SWT1: variants seen among roughly 807,000 people sequenced by gnomAD.
SWT1 encodes the protein SWT1 RNA endoribonuclease homolog, also known as transcriptional protein SWT1.
SWT1 carries 33 observed loss-of-function variants against 107.3 expected under a neutral mutation model. The observed-to-expected ratio is 0.31, with a 90% CI of 0.23 to 0.41. SWT1 has a LOEUF of 0.41. SWT1 is among the 10% of genes least tolerant of loss of function. SWT1 has a pLI of 1.00. For synonymous variants in SWT1, 345 were observed against 348.3 expected (o/e 0.99, Z 0.11); for missense variants, 898 against 1,028.9 (o/e 0.87, Z 1.74).
At chr1:185,189,994 C>T (rs1656815551) in intron 9 of SWT1, among the ~76,000 whole-genome samples, 1 of 151,760 alleles carries the variant, frequency 6.6e-6, no homozygotes, top group South Asian at 2.1e-4. Flanking sequence ...ATTACAGGCA[C>T]CTGTCACAAT....
chr1:185,173,675 C>T (rs990421250), intron 4 of SWT1, among the ~76,000 whole-genome samples: 2 of 151,950 alleles, frequency 1.3e-5, no homozygotes, highest in Non-Finnish European at 2.9e-5. Context: ...CGCCACTGCA[C>T]TCCAGCCTGG....
At chr1:185,192,448 T>G (rs1657033809) in intron 10 of SWT1, among the ~76,000 whole-genome samples, 1 of 152,140 alleles carries the variant, frequency 6.6e-6, no homozygotes, top group Non-Finnish European at 1.5e-5. Context: ...CTGTGTGGTC[T>G]TCTTTAATTT....
chr1:185,189,930 C>A (rs898796133), intron 9 of SWT1, among the ~76,000 whole-genome samples: 4 of 151,480 alleles, frequency 2.6e-5, no homozygotes, highest in African/African-American at 9.7e-5. Context: ...CTCACTGCAA[C>A]CTCTGCCTCC....
intron 15 of SWT1, among the ~76,000 whole-genome samples, chr1:185,229,744 A>ATTCTCT (rs1660368775): frequency 1.3e-5 from 2 of 152,084 alleles, no homozygotes; most frequent in South Asian, 4.1e-4. Context: ...GGTATTACAT[A>ATTCTCT]TTCTCTTTTT....
intron 16 of SWT1, among the ~76,000 whole-genome samples, chr1:185,233,952 G>A (rs184441053): frequency 9.3e-4 from 142 of 152,192 alleles, no homozygotes; most frequent in African/African-American, 3.1e-3. Context: ...CACCATGTTA[G>A]CAAGGATGGT....
chr1:185,207,733 T>A (rs192876454), intron 13 of SWT1, among the ~76,000 whole-genome samples: 64 of 151,924 alleles, frequency 4.2e-4, no homozygotes, highest in African/African-American at 1.5e-3. Context: ...AAAACTCCCT[T>A]TCTAAAAAAA....
At position 185,229,391 on chromosome 1, in the gene SWT1, T is replaced by G. The variant is rs1053583210; in HGVS notation, c.2310-2186T>G. 1.1e-4 allele frequency among the ~76,000 whole-genome samples: 17 copies of G among 152,128 alleles called. 1 individual carries two copies. Among genetic ancestry groups the G allele is most frequent in the African/African-American group, 3.9e-4 (16 of 41,414 alleles). On this transcript the variant is annotated intron_variant, in intron 15 of 18. Coordinates refer to ENST00000367500, the MANE Select transcript of SWT1 (RefSeq NM_017673.7). ...CAATCCTATGACTGGTATGGTTATT[T>G]TCATCCTCATCTCACGCTCATTTCT...
chr1:185,174,547 G>T lies in SWT1; in HGVS notation c.400G>T (p.Asp134Tyr). 1 of 1,607,862 alleles carries T rather than the reference G, an allele frequency of 6.2e-7. No homozygotes were observed. The highest frequency in any genetic ancestry group is 8.5e-7 in the Non-Finnish European group (1 of 1,178,348). ...IHKCVDFKPK[D>Y]IKLTNAGSKL... ...TAAATGTGTAGACTTTAAACCTAAA[G>T]ATATCAAATTGACAAATGCTGGGAG... The change falls in exon 5 of 19, where the codon GAT (aspartate) becomes TAT (tyrosine). Residue 134 changes from aspartate (D) to tyrosine (Y), a missense_variant. This residue lies in a region of SWT1 where 382 missense variants were observed against 362.4 expected (regional missense o/e 1.05). Transcript: ENST00000367500.
At chr1:185,255,047 C>T (rs1301817020) in intron 16 of SWT1, among the ~76,000 whole-genome samples, 2 of 152,008 alleles carry the variant, frequency 1.3e-5, no homozygotes, top group Non-Finnish European at 2.9e-5. Context: ...ACCCAGTAGT[C>T]ATTCAGGAGC....
chr1:185,201,524 A>G (rs1657882477), intron 10 of SWT1, among the ~76,000 whole-genome samples: 1 of 151,980 alleles, frequency 6.6e-6, no homozygotes, highest in Non-Finnish European at 1.5e-5. Flanking sequence ...GACCTCTTGC[A>G]CTTCCTGGGT....
rs527613265 is a variant in SWT1, at chr1:185,227,466, T to C, written c.2310-4111T>C. 455 of 596,310 alleles carry C rather than the reference T, an allele frequency of 7.6e-4. 1 individual carries two copies. In the African/African-American group the frequency reaches 7.8e-3, roughly 10 times the overall value. The allele number at this position is 596,310 out of a possible 1,614,324, so 36.9% of individuals were successfully genotyped here. A position where few individuals can be genotyped will look rare whatever the true frequency, so the allele number is the denominator to read the frequency against. ...ATTATTTTGGCAGTTTGTGTACATATGCTGTGCAGACTATCATATCCCTCT... is the reference window on the plus strand; with the variant it reads ...ATTATTTTGGCAGTTTGTGTACATACGCTGTGCAGACTATCATATCCCTCT... On this transcript the variant is annotated intron_variant, in intron 15 of 18. Coordinates refer to ENST00000367500, the MANE Select transcript of SWT1 (RefSeq NM_017673.7).
At chr1:185,228,165 A>C (rs1660218578) in intron 15 of SWT1, among the ~76,000 whole-genome samples, 1 of 139,524 alleles carries the variant, frequency 7.2e-6, no homozygotes, top group African/African-American at 2.8e-5. Flanking sequence ...TTAAAAAAAA[A>C]TGTGTATATA....
intron 16 of SWT1, among the ~76,000 whole-genome samples, chr1:185,247,300 C>T (rs750035498): frequency 2.6e-5 from 4 of 151,900 alleles, no homozygotes; most frequent in Admixed American, 6.6e-5. Context: ...CTCTGACATA[C>T]GGACTAAAGT....
At chr1:185,275,011 G>A (rs1664142789) in intron 17 of SWT1, among the ~76,000 whole-genome samples, 1 of 151,908 alleles carries the variant, frequency 6.6e-6, no homozygotes, top group South Asian at 2.1e-4. Context: ...CTGTGTTCTT[G>A]GATAAATGTC....
chr1:185,196,408 G>A (rs137923125), intron 10 of SWT1, among the ~76,000 whole-genome samples: 2 of 152,186 alleles, frequency 1.3e-5, no homozygotes, highest in African/African-American at 4.8e-5. Flanking sequence ...AGAGTTTGAA[G>A]TCAGGTAATG....
At chr1:185,249,086 TATCTCCAGACACTTAGAGGCTGG>T (rs894879297) in intron 16 of SWT1, among the ~76,000 whole-genome samples, 1 of 152,156 alleles carries the variant, frequency 6.6e-6, no homozygotes, top group African/African-American at 2.4e-5. Flanking sequence ...CTCCAGACAC[TATCTCCAGACACTTAGAGGCTGG>T]ATCTCCAGCC....
At chr1:185,165,704 A>G (rs950125358) in intron 2 of SWT1, among the ~76,000 whole-genome samples, 84 of 151,970 alleles carry the variant, frequency 5.5e-4, no homozygotes, top group African/African-American at 2.0e-3. Flanking sequence ...TGACAAAGCC[A>G]CCTCCTCTCC....
intron 12 of SWT1, among the ~76,000 whole-genome samples, chr1:185,205,588 T>TG (rs1457896036): frequency 6.6e-6 from 1 of 152,100 alleles, no homozygotes; most frequent in Non-Finnish European, 1.5e-5. Flanking sequence ...AGGATGGTCT[T>TG]GAACTCCTGA....
intron 6 of SWT1, 26 bp downstream of exon 6, chr1:185,180,476 A>G (rs757493175): frequency 1.3e-6 from 2 of 1,543,732 alleles, no homozygotes; most frequent in Non-Finnish European, 1.8e-6. Context: ...GTTTACTTTG[A>G]TATTTTTAAT....
Sources: gnomAD v4.1 joint callset for allele counts (sites outside exome capture counted in the v4.1 genomes callset) on GRCh38, gnomAD v4.1.1 for gene constraint, gnomAD v4.1.1 regional missense constraint, MANE v1.5 for transcripts, NCBI Gene and HGNC (gene_info 2026-07-23, HGNC 2026-07-21) for gene names.